Variants in SLC25A21 observed in about 807,000 individuals in gnomAD.
SLC25A21 encodes solute carrier family 25 member 21.
In SLC25A21, 47 loss-of-function variants were observed where a neutral mutation model predicts 43.8. The ratio of observed to expected loss-of-function variants is 1.07; its 90% CI spans 0.85 to 1.37. The LOEUF (loss-of-function observed/expected upper bound fraction) is 1.37, where lower values mean the gene tolerates loss of function less well. Among genes scored for constraint, SLC25A21 ranks in the 40% most tolerant of loss-of-function variants. The pLI is 0.00. For missense variants in SLC25A21, 352 were observed against 350.2 expected, an observed-to-expected ratio of 1.00 and a Z score of -0.04; for synonymous variants, 131 against 121.3, an observed-to-expected ratio of 1.08 and a Z score of -0.52.
chr14:37,067,904 C>T (rs1962093331), intron 1 of SLC25A21, among the ~76,000 whole-genome samples: 1 of 152,220 alleles, frequency 6.6e-6, no homozygotes, highest in Non-Finnish European at 1.5e-5. Context: ...CTTCTGATAT[C>T]TTCTTCCCGT....
At chr14:37,077,451 G>C (rs1011722059) in intron 1 of SLC25A21, among the ~76,000 whole-genome samples, 3 of 151,732 alleles carry the variant, frequency 2.0e-5, no homozygotes, top group African/African-American at 7.3e-5. Flanking sequence ...TTATACACGC[G>C]GACACAACCT....
intron 2 of SLC25A21, among the ~76,000 whole-genome samples, chr14:36,843,773 T>C (rs917650656): frequency 2.0e-5 from 3 of 152,200 alleles, no homozygotes; most frequent in African/African-American, 7.2e-5. Flanking sequence ...ACACAGTAAT[T>C]TACCTAATGT....
intron 1 of SLC25A21, among the ~76,000 whole-genome samples, chr14:37,139,335 T>C (rs1963533910): frequency 6.6e-6 from 1 of 152,156 alleles, no homozygotes; most frequent in South Asian, 2.1e-4. Context: ...GGAACATTTA[T>C]TCTAATAAGA....
intron 1 of SLC25A21, among the ~76,000 whole-genome samples, chr14:36,884,817 TG>T (rs1890867066): frequency 6.6e-6 from 1 of 152,166 alleles, no homozygotes; most frequent in Non-Finnish European, 1.5e-5. Context: ...TCATTTTTAA[TG>T]GGGTATCTGT....
intron 2 of SLC25A21, among the ~76,000 whole-genome samples, chr14:36,861,477 C>G (rs896609026): frequency 6.6e-6 from 1 of 152,176 alleles, no homozygotes; most frequent in Non-Finnish European, 1.5e-5. Context: ...CTCAAGCAGC[C>G]TCTTTCTCAA....
At position 36,790,655 on chromosome 14, in the gene SLC25A21, T is replaced by A. The variant is rs1284066546; in HGVS notation, c.203+23263A>T. ...TTTTCCCCAAAGCCTGCAACACTTT[T>A]GAGGTATGAAAATAAGTCCTCTTTT... is the stretch of plus-strand genomic sequence containing the variant. On this transcript the variant is annotated intron_variant, in intron 3 of 9. Coordinates refer to ENST00000331299, the MANE Select transcript of SLC25A21 (RefSeq NM_030631.4). Among the ~76,000 whole-genome samples the A allele has an allele frequency of 5.9e-5, 9 of 152,154 alleles. No individual in the cohort carries two copies. In the South Asian group the frequency reaches 8.3e-4, roughly 14 times the overall value.
intron 1 of SLC25A21, among the ~76,000 whole-genome samples, chr14:36,960,034 A>C (rs1959450233): frequency 6.6e-6 from 1 of 152,132 alleles, no homozygotes; most frequent in African/African-American, 2.4e-5. Flanking sequence ...TTCCCCATAA[A>C]ATGAGATGAG....
intron 2 of SLC25A21, among the ~76,000 whole-genome samples, chr14:36,850,735 G>T (rs1889701475): frequency 6.6e-6 from 1 of 152,142 alleles, no homozygotes; most frequent in African/African-American, 2.4e-5. Flanking sequence ...GGGCACGAAA[G>T]CCTGACTAAA....
intron 1 of SLC25A21, among the ~76,000 whole-genome samples, chr14:36,928,203 A>G (rs1306446997): frequency 6.6e-6 from 1 of 152,124 alleles, no homozygotes; most frequent in Non-Finnish European, 1.5e-5. Context: ...AAACAACTCA[A>G]AATTATTAAT....
At chr14:36,895,192 C>T (rs543944554) in intron 1 of SLC25A21, among the ~76,000 whole-genome samples, 8 of 152,174 alleles carry the variant, frequency 5.3e-5, no homozygotes, top group Non-Finnish European at 1.0e-4. Flanking sequence ...GGTTGGTAAG[C>T]TATTAATTAT....
intron 3 of SLC25A21, among the ~76,000 whole-genome samples, chr14:36,755,483 A>G (rs77104001): frequency 0.014 from 2,160 of 152,164 alleles, 41 homozygotes; most frequent in African/African-American, 0.048. Context: ...ATTGATCTCT[A>G]TGTGACCCAA....
At chr14:37,003,740 C>A (rs1960539336) in intron 1 of SLC25A21, among the ~76,000 whole-genome samples, 1 of 152,192 alleles carries the variant, frequency 6.6e-6, no homozygotes, top group African/African-American at 2.4e-5. Context: ...AGTGGTTTCT[C>A]AGGCTTCTTA....
At chr14:36,923,665 G>A (rs2138627569) in intron 1 of SLC25A21, among the ~76,000 whole-genome samples, 1 of 152,216 alleles carries the variant, frequency 6.6e-6, no homozygotes, top group East Asian at 1.9e-4. Flanking sequence ...GATGGGATGT[G>A]AAAAATGGAA....
intron 1 of SLC25A21, among the ~76,000 whole-genome samples, chr14:37,081,692 T>C (rs1295881360): frequency 6.6e-6 from 1 of 152,228 alleles, no homozygotes; most frequent in African/African-American, 2.4e-5. Flanking sequence ...AATTAAAATA[T>C]TTGGATATTC....
At chr14:36,936,314 C>G (rs955130872) in intron 1 of SLC25A21, among the ~76,000 whole-genome samples, 1 of 152,142 alleles carries the variant, frequency 6.6e-6, no homozygotes, top group Non-Finnish European at 1.5e-5. Context: ...ACCAAACAGA[C>G]TGGAATGCTT....
At chr14:37,076,785 C>A (rs1181247229) in intron 1 of SLC25A21, among the ~76,000 whole-genome samples, 13 of 152,104 alleles carry the variant, frequency 8.5e-5, no homozygotes, top group Admixed American at 8.5e-4. Flanking sequence ...CACCTGGCCC[C>A]CGTAAGACTT....
intron 1 of SLC25A21, among the ~76,000 whole-genome samples, chr14:37,157,865 G>A (rs1566920532): frequency 1.3e-5 from 2 of 152,126 alleles, no homozygotes; most frequent in South Asian, 4.1e-4. Context: ...CAAGAAGAGA[G>A]AAGATCCAAA....
In SLC25A21 at chr14:36,781,925, C is replaced by T. The variant is rs868571807; in HGVS notation, c.203+31993G>A. 9.2e-5 allele frequency among the ~76,000 whole-genome samples: 14 copies of T among 152,074 alleles called. No homozygotes were observed. The South Asian group carries it at 1.2e-3, about 14-fold the overall frequency. On this transcript the variant is annotated intron_variant, in intron 3 of 9. Coordinates refer to ENST00000331299, the MANE Select transcript of SLC25A21 (RefSeq NM_030631.4). Reference sequence around the variant, plus strand: ...TTTTAGCATTTCTGGTAAGACAGATCGGGTGGTGATGAAATCCTTTGGCTT... The same window carrying T: ...TTTTAGCATTTCTGGTAAGACAGATTGGGTGGTGATGAAATCCTTTGGCTT...
chr14:36,690,489 C>G (rs963267956), intron 7 of SLC25A21, among the ~76,000 whole-genome samples: 1 of 152,148 alleles, frequency 6.6e-6, no homozygotes, highest in Non-Finnish European at 1.5e-5. Context: ...ACTCCCAAGC[C>G]TATGTTTCTT....
Sources: allele counts gnomAD v4.1 joint callset (sites outside exome capture counted in the v4.1 genomes callset), GRCh38; gene constraint gnomAD v4.1.1; transcripts MANE v1.5; gene names NCBI Gene and HGNC (gene_info 2026-07-23, HGNC 2026-07-21).